Variants in VPS13B observed in about 807,000 individuals in gnomAD.
The protein encoded by VPS13B is vacuolar protein sorting 13 homolog B, also known as intermembrane lipid transfer protein VPS13B.
VPS13B carries 285 observed loss-of-function variants against 426.4 expected under a neutral mutation model. The observed-to-expected ratio is 0.67, with a 90% CI of 0.61 to 0.74. The LOEUF (loss-of-function observed/expected upper bound fraction) is 0.74, where lower values mean the gene tolerates loss of function less well. Among genes scored for constraint, VPS13B ranks in the 30% least tolerant of loss-of-function variants. VPS13B has a pLI of 0.00. For missense variants in VPS13B, 4,537 were observed against 4,782.6 expected, an observed-to-expected ratio of 0.95 and a Z score of 1.51; for synonymous variants, 1,676 against 1,676.4, an observed-to-expected ratio of 1.00 and a Z score of 0.01.
At chr8:99,304,942 G>C (rs776958381) in intron 19 of VPS13B, among the ~76,000 whole-genome samples, 2 of 151,870 alleles carry the variant, frequency 1.3e-5, no homozygotes, top group Non-Finnish European at 2.9e-5. Context: ...CATATTGTGT[G>C]GTATTTTCAT....
intron 3 of VPS13B, among the ~76,000 whole-genome samples, chr8:99,070,347 A>G (rs115966096): frequency 0.014 from 2,198 of 152,326 alleles, 53 homozygotes; most frequent in African/African-American, 0.048. Context: ...GTGTTTTGGA[A>G]TGGATGCATG....
intron 49 of VPS13B, among the ~76,000 whole-genome samples, chr8:99,821,033 C>T (rs922423016): frequency 7.9e-5 from 11 of 138,872 alleles, no homozygotes; most frequent in African/African-American, 2.2e-4. Flanking sequence ...TCCGTAAATA[C>T]GAATTCCATT....
intron 15 of VPS13B, among the ~76,000 whole-genome samples, chr8:99,164,391 G>A (rs897962076): frequency 3.3e-5 from 5 of 152,178 alleles, no homozygotes; most frequent in Middle Eastern, 3.4e-3. Flanking sequence ...GCAGCATCTC[G>A]TACTATCCCT....
chr8:99,601,892 A>G (rs181486055), intron 33 of VPS13B, among the ~76,000 whole-genome samples: 6 of 152,296 alleles, frequency 3.9e-5, no homozygotes, highest in Non-Finnish European at 7.3e-5. Flanking sequence ...GATTCTAGAT[A>G]TTAGCACTTT....
chr8:99,408,636 G>C (rs1815458646), intron 21 of VPS13B, among the ~76,000 whole-genome samples: 1 of 152,132 alleles, frequency 6.6e-6, no homozygotes, highest in Non-Finnish European at 1.5e-5. Context: ...TACGCAGTTG[G>C]ATAAATAGTC....
intron 33 of VPS13B, among the ~76,000 whole-genome samples, chr8:99,578,008 A>G (rs997220430): frequency 3.3e-5 from 5 of 152,144 alleles, no homozygotes; most frequent in African/African-American, 1.2e-4. Flanking sequence ...TAAGAGTACT[A>G]TGGGAATATC....
At chr8:99,342,687 A>G (rs1363088732) in intron 19 of VPS13B, among the ~76,000 whole-genome samples, 1 of 152,210 alleles carries the variant, frequency 6.6e-6, no homozygotes, top group Non-Finnish European at 1.5e-5. Context: ...TCTATTGTGA[A>G]TAGTGCTGCA....
At chr8:99,513,251 A>G (rs1821888085) in intron 29 of VPS13B, among the ~76,000 whole-genome samples, 1 of 152,092 alleles carries the variant, frequency 6.6e-6, no homozygotes, top group African/African-American at 2.4e-5. Flanking sequence ...ATATGTTAGT[A>G]GGCTTTTATG....
At chr8:99,543,775 A>C (rs979989205) in intron 30 of VPS13B, among the ~76,000 whole-genome samples, 6 of 151,788 alleles carry the variant, frequency 4.0e-5, no homozygotes, top group Non-Finnish European at 7.4e-5. Context: ...ACCATCTCAC[A>C]CTAGTTAGAA....
intron 7 of VPS13B, chr8:99,119,569 T>A (rs1847838404): frequency 6.6e-6 from 1 of 152,154 alleles, no homozygotes; most frequent in Non-Finnish European, 1.5e-5. Context: ...GGTTTGCACC[T>A]TATATAAAAC....
At chr8:99,455,217 G>A (rs1408795276) in intron 23 of VPS13B, among the ~76,000 whole-genome samples, 1 of 152,144 alleles carries the variant, frequency 6.6e-6, no homozygotes, top group African/African-American at 2.4e-5. Context: ...TTATCTTTTA[G>A]GAGTTTTATA....
At position 99,856,217 on chromosome 8, in the gene VPS13B, G is replaced by A. The variant is rs112645988; in HGVS notation, c.10867+1961G>A. ...TCACCCAAAAATCCTCTAAGCTGCC[G>A]TTCCAATCTCACTGTATACCAAGAT... On this transcript the variant is annotated intron_variant, in intron 56 of 61. Coordinates refer to ENST00000357162, the MANE Select transcript of VPS13B (RefSeq NM_152564.5). Among the ~76,000 whole-genome samples the A allele has an allele frequency of 2.4e-3, 359 of 152,320 alleles. 3 individuals are homozygous for A. The highest frequency in any genetic ancestry group is 8.2e-3 in the African/African-American group (342 of 41,578).
intron 21 of VPS13B, among the ~76,000 whole-genome samples, chr8:99,426,175 T>C (rs1816695795): frequency 1.3e-5 from 2 of 148,712 alleles, no homozygotes; most frequent in South Asian, 4.3e-4. Context: ...TGGTTTTTTG[T>C]TCTTGCGATA....
chr8:99,273,616 C>G (rs1025581818), intron 17 of VPS13B, among the ~76,000 whole-genome samples: 2 of 151,928 alleles, frequency 1.3e-5, no homozygotes, highest in African/African-American at 4.8e-5. Flanking sequence ...GAAACCGCGT[C>G]TCTACTAAAA....
intron 21 of VPS13B, chr8:99,424,578 A>G (rs1816581925): frequency 6.6e-6 from 1 of 152,222 alleles, no homozygotes; most frequent in Non-Finnish European, 1.5e-5. Flanking sequence ...AGGGAAATTG[A>G]TAGCACTAAA....
At chr8:99,222,957 CT>C (rs1815809202) in intron 17 of VPS13B, among the ~76,000 whole-genome samples, 1 of 152,152 alleles carries the variant, frequency 6.6e-6, no homozygotes, top group South Asian at 2.1e-4. Flanking sequence ...CTGCCTCAGC[CT>C]CCTGAGTAGC....
At chr8:99,555,364 C>A (rs1824499630) in intron 30 of VPS13B, among the ~76,000 whole-genome samples, 1 of 152,092 alleles carries the variant, frequency 6.6e-6, no homozygotes, top group African/African-American at 2.4e-5. Flanking sequence ...CACACTAGGA[C>A]CCCCATCACC....
chr8:99,709,697 AAAG>A lies in VPS13B; in HGVS notation c.6455-7467_6455-7465del, dbSNP rs369034719. Among the ~76,000 whole-genome samples the A allele has an allele frequency of 5.3e-4, 81 of 152,354 alleles. 1 individual carries two copies. The South Asian group carries it at 0.01, about 19-fold the overall frequency. On this transcript the variant is annotated intron_variant, in intron 36 of 61. Coordinates refer to ENST00000357162, the MANE Select transcript of VPS13B (RefSeq NM_152564.5). ...AAGCATTCTGTTGAAGGAAATGTAG[AAAG>A]AAGAAGTCATACCGTACGATTGGTC...
rs71273176 is a variant in VPS13B at position 99,354,266 on chromosome 8, C to CTTTTTT, written c.2825-29908_2825-29903dup. Among the ~76,000 whole-genome samples, 128 of 22,180 alleles carry CTTTTTT rather than the reference C, an allele frequency of 5.8e-3. 30 individuals are homozygous for CTTTTTT. Among genetic ancestry groups the CTTTTTT allele is most frequent in the Non-Finnish European group, 8.2e-3 (85 of 10,394 alleles). 14.6% of individuals were successfully genotyped at this position (22,180 alleles called of 152,430 possible). On this transcript the variant is annotated intron_variant, in intron 19 of 61. Coordinates refer to ENST00000357162, the MANE Select transcript of VPS13B (RefSeq NM_152564.5). ...TTCTACTGTAGCCCCCTCCCCCTGC[C>CTTTTTT]TTTTTTTTTTTTTTTTTTTTTTTTT...
Sources: allele counts gnomAD v4.1 joint callset (sites outside exome capture counted in the v4.1 genomes callset), GRCh38; gene constraint gnomAD v4.1.1; transcripts MANE v1.5; gene names NCBI Gene and HGNC (gene_info 2026-07-23, HGNC 2026-07-21).